NLRP2: variants seen among roughly 807,000 people sequenced by gnomAD.
The protein encoded by NLRP2 is NLR family pyrin domain containing 2, also known as NACHT, LRR and PYD domains-containing protein 2.
A neutral mutation model predicts 97.2 loss-of-function variants in NLRP2; 107 were observed. The ratio of observed to expected loss-of-function variants is 1.10; its 90% CI spans 0.94 to 1.29. NLRP2 has a LOEUF of 1.29. NLRP2 is among the 50% of genes most tolerant of loss of function. The pLI, the probability that NLRP2 is intolerant of heterozygous loss-of-function variation, is 0.00. For synonymous variants in NLRP2, 663 were observed against 551.5 expected, an observed-to-expected ratio of 1.20 and a Z score of -2.83; for missense variants, 1,495 against 1,330.3, an observed-to-expected ratio of 1.12 and a Z score of -1.93.
chr19:54,998,938 C>CA (rs1457726198), intron 12 of NLRP2, among the ~76,000 whole-genome samples: 15 of 151,630 alleles, frequency 9.9e-5, no homozygotes, highest in African/African-American at 2.4e-4. Context: ...TCAGAGAGCA[C>CA]GGGGTTGGGG....
intron 8 of NLRP2, among the ~76,000 whole-genome samples, chr19:54,988,131 A>C (rs1008969883): frequency 3.3e-5 from 5 of 152,142 alleles, no homozygotes; most frequent in Non-Finnish European, 7.4e-5. Context: ...GATGCTGTAC[A>C]TCTTACAGGT....
Position 54,998,631 on chromosome 19 carries a change from CTTTTTTT to C in NLRP2, c.3050+1159_3050+1165del, listed in dbSNP as rs1179005483. Among the ~76,000 whole-genome samples the C allele has an allele frequency of 5.3e-3, 324 of 61,092 alleles. 1 individual carries two copies. Among genetic ancestry groups the C allele is most frequent in the African/African-American group, 0.022 (292 of 13,218 alleles). 40.1% of individuals were successfully genotyped at this position (61,092 alleles called of 152,430 possible). On this transcript the variant is annotated intron_variant, in intron 12 of 12. Transcript: ENST00000448584. Reference sequence around the variant, plus strand: ...TTTTTCTTTTTTTTTTTTTTTTTTCCTTTTTTTTTTTTTTTTTTTTTATTGATCATTC... The same window carrying C: ...TTTTTCTTTTTTTTTTTTTTTTTTCCTTTTTTTTTTTTTTATTGATCATTC...
chr19:54,994,348 T>C lies in NLRP2; in HGVS notation c.2788T>C (p.Leu930=), dbSNP rs1242741050. The change falls in exon 11 of 13, where the codon TTG becomes CTG. Residue 930 remains leucine (L), a synonymous_variant. Transcript: ENST00000448584. ...CCAAGAAAAATCAAGCCTGTTGTGT[T>C]TGGATCTGGGGCTGAATCACATAGG... ...LLQEKSSLLC[L]DLGLNHIGVK... 1.2e-6 allele frequency: 2 copies of C among 1,614,134 alleles called. No individual in the cohort carries two copies. The highest frequency in any genetic ancestry group is 2.2e-5 in the South Asian group (2 of 91,084).
chr19:54,970,285 T>A lies in NLRP2; in HGVS notation c.270T>A (p.Asp90Glu), dbSNP rs1433643692. 2 of 1,614,086 alleles carry A rather than the reference T, an allele frequency of 1.2e-6. No homozygotes were observed. The highest frequency in any genetic ancestry group is 2.2e-5 in the South Asian group (2 of 91,074). Residue 90 changes from aspartate (D) to glutamate (E), a missense_variant, in exon 2 of 13, where the codon GAT becomes GAA. Transcript: ENST00000448584. ...TGGATCTGTCTGAGAGAGCAAAGGATGAAGTCAGAGGTGAGTGGAAATCGG... is the reference window on the plus strand; with the variant it reads ...TGGATCTGTCTGAGAGAGCAAAGGAAGAAGTCAGAGGTGAGTGGAAATCGG... Reference protein sequence around the residue: ...HRMDLSERAKDEVREAALKSF... With the variant: ...HRMDLSERAKEEVREAALKSF...
chr19:54,999,136 C>CG (rs1273706986), intron 12 of NLRP2, among the ~76,000 whole-genome samples: 1 of 151,114 alleles, frequency 6.6e-6, no homozygotes, highest in Non-Finnish European at 1.5e-5. Flanking sequence ...GCTGGCTGGG[C>CG]GGGGGGCTGA....
At chr19:54,983,840 T>A in intron 6 of NLRP2, 112 bp downstream of exon 6, 1 of 1,424,922 alleles carries the variant, frequency 7.0e-7, no homozygotes, top group African/African-American at 1.4e-5. Context: ...GAATTCCCTC[T>A]TGTTGGACTC....
At chr19:54,981,787 GTATGTA>G in intron 5 of NLRP2, 105 bp downstream of exon 5, 1 of 801,462 alleles carries the variant, frequency 1.2e-6, no homozygotes, top group Non-Finnish European at 2.2e-6. Flanking sequence ...ATTTATGTAT[GTATGTA>G]TCGAGACGGA....
intron 6 of NLRP2, 117 bp downstream of exon 6, chr19:54,983,845 G>A (rs865937242): frequency 3.5e-6 from 5 of 1,416,236 alleles, no homozygotes; most frequent in South Asian, 2.3e-5. Context: ...CCCTCTTGTT[G>A]GACTCTTTGT....
chr19:54,983,062 C>T lies in NLRP2; in HGVS notation c.1364C>T (p.Ala455Val), dbSNP rs560016212. The T allele has an allele frequency of 3.8e-5, 62 of 1,612,146 alleles. No homozygotes were observed. Among genetic ancestry groups the T allele is most frequent in the African/African-American group, 2.7e-5 (2 of 75,006 alleles). Reference protein sequence around the residue: ...GALRTLSLLAAQGLWAQTSVL... With the variant: ...GALRTLSLLAVQGLWAQTSVL... ...CTGCGGACGCTGAGCCTCCTGGCCGCGCAGGGCCTGTGGGCGCAGACGTCC... is the reference window on the plus strand; with the variant it reads ...CTGCGGACGCTGAGCCTCCTGGCCGTGCAGGGCCTGTGGGCGCAGACGTCC... Residue 455 changes from alanine (A) to valine (V), a missense_variant, in exon 6 of 13, where the codon GCG (alanine) becomes GTG (valine). By Grantham distance (64) the Ala-to-Val change is moderately conservative. Coordinates refer to ENST00000448584, the MANE Select transcript of NLRP2 (RefSeq NM_017852.5).
chr19:54,973,780 C>G (rs534475366), intron 2 of NLRP2: 2 of 561,404 alleles, frequency 3.6e-6, no homozygotes, highest in East Asian at 4.6e-5. Flanking sequence ...GAAAAAGATA[C>G]AAATTTTCTT....
At chr19:54,998,429 T>C (rs1430315704) in intron 12 of NLRP2, among the ~76,000 whole-genome samples, 2 of 152,128 alleles carry the variant, frequency 1.3e-5, no homozygotes, top group Non-Finnish European at 2.9e-5. Flanking sequence ...CTTAAAATAA[T>C]CTTTATGTAG....
At position 54,983,583 on chromosome 19, in the gene NLRP2, T is replaced by A. The variant is rs147213467; in HGVS notation, c.1885T>A (p.Ser629Thr). 6.2e-7 allele frequency: 1 copy of A among 1,614,022 alleles called. No individual in the cohort carries two copies. Among genetic ancestry groups the A allele is most frequent in the Admixed American group, 1.7e-5 (1 of 59,976 alleles). Reference sequence around the variant, plus strand: ...GGTGATGGCTCAGTTCAAAGAAATATCCCTGCACTTAAATGCAGTAGACGT... The same window carrying A: ...GGTGATGGCTCAGTTCAAAGAAATAACCCTGCACTTAAATGCAGTAGACGT... ...KEVMAQFKEI[S>T]LHLNAVDVVP... Residue 629 changes from serine (S) to threonine (T), a missense_variant, in exon 6 of 13, where the codon TCC becomes ACC. By Grantham distance (58) the Ser-to-Thr change is moderately conservative (BLOSUM62 1). Coordinates refer to ENST00000448584, the MANE Select transcript of NLRP2 (RefSeq NM_017852.5).
chr19:54,994,793 TAG>T (rs2072715010), intron 11 of NLRP2, among the ~76,000 whole-genome samples: 1 of 151,600 alleles, frequency 6.6e-6, no homozygotes, highest in Non-Finnish European at 1.5e-5. Flanking sequence ...GTATTTTTAG[TAG>T]AGACAGGGTT....
intron 7 of NLRP2, among the ~76,000 whole-genome samples, chr19:54,985,523 C>G (rs1485310032): frequency 6.6e-6 from 1 of 150,860 alleles, no homozygotes; most frequent in African/African-American, 2.4e-5. Flanking sequence ...ACTAAAAATA[C>G]AAAAATTATC....
At chr19:54,969,893 A>G (rs1393594287) in intron 1 of NLRP2, 106 bp from the exon 2 acceptor site, 4 of 1,094,300 alleles carry the variant, frequency 3.7e-6, no homozygotes, top group Middle Eastern at 2.9e-4. Flanking sequence ...TTGAAGAAGC[A>G]GGGTAGATGG....
chr19:54,976,013 T>G (rs889122204), intron 3 of NLRP2, among the ~76,000 whole-genome samples: 1 of 151,992 alleles, frequency 6.6e-6, no homozygotes, highest in Admixed American at 6.6e-5. Context: ...CCTCCCAAAG[T>G]GCTGGGATTA....
intron 1 of NLRP2, among the ~76,000 whole-genome samples, chr19:54,967,613 G>A (rs2070544130): frequency 1.3e-5 from 2 of 151,942 alleles, no homozygotes; most frequent in Admixed American, 1.3e-4. Context: ...TGTTCTCTTG[G>A]GGGATTTAGG....
intron 12 of NLRP2, among the ~76,000 whole-genome samples, 164 bp downstream of exon 12, chr19:54,997,651 C>T (rs1333807856): frequency 6.6e-6 from 1 of 152,008 alleles, no homozygotes; most frequent in Admixed American, 6.6e-5. Flanking sequence ...AACGGGGTTT[C>T]ACCATGTTGG....
At chr19:54,976,347 C>G (rs1373772237) in intron 3 of NLRP2, among the ~76,000 whole-genome samples, 1 of 151,566 alleles carries the variant, frequency 6.6e-6, no homozygotes, top group East Asian at 1.9e-4. Context: ...GTCACTGCGC[C>G]TGGTCTCATG....
Sources: allele counts gnomAD v4.1 joint callset (sites outside exome capture counted in the v4.1 genomes callset), GRCh38; gene constraint gnomAD v4.1.1; transcripts MANE v1.5; gene names NCBI Gene and HGNC (gene_info 2026-07-23, HGNC 2026-07-21).